PDE1A: variants seen among roughly 807,000 people sequenced by gnomAD.
The protein encoded by PDE1A is phosphodiesterase 1A.
PDE1A carries 35 observed loss-of-function variants against 61.7 expected under a neutral mutation model. The ratio of observed to expected loss-of-function variants is 0.57; its 90% CI spans 0.43 to 0.75. PDE1A has a LOEUF of 0.75. PDE1A is among the 30% of genes least tolerant of loss of function. PDE1A has a pLI of 0.00. For missense variants in PDE1A, 597 were observed against 630.6 expected (o/e 0.95, Z 0.57); for synonymous variants, 232 against 213.2 (o/e 1.09, Z -0.77).
the PDE1A span, among the ~76,000 whole-genome samples, chr2:182,575,891 A>G: frequency 6.8e-6 from 1 of 146,802 alleles, no homozygotes; most frequent in Admixed American, 6.9e-5. Context: ...TTATATATAT[A>G]TAAAGTTAAT....
chr2:182,545,246 G>A, the PDE1A span, among the ~76,000 whole-genome samples: 4 of 152,144 alleles, frequency 2.6e-5, no homozygotes, highest in African/African-American at 9.7e-5. Context: ...CATGGCTCCG[G>A]ATCCCACTGG....
chr2:182,570,623 C>A, the PDE1A span, among the ~76,000 whole-genome samples: 4 of 152,122 alleles, frequency 2.6e-5, no homozygotes, highest in African/African-American at 9.7e-5. Flanking sequence ...GCATCAGACA[C>A]AGTAATGAAG....
downstream of PDE1A, among the ~76,000 whole-genome samples, chr2:182,166,348 A>C (rs2125308719): frequency 6.6e-6 from 1 of 152,184 alleles, no homozygotes; most frequent in South Asian, 2.1e-4. Context: ...AAAAAGGGAG[A>C]CACTCAGCTT....
At chr2:182,561,439 T>C in the PDE1A span, among the ~76,000 whole-genome samples, 1 of 152,338 alleles carries the variant, frequency 6.6e-6, no homozygotes, top group South Asian at 2.1e-4. Context: ...ACCAGTACCA[T>C]GCTGTTTTGG....
At chr2:182,225,133 G>T (rs150960862) in intron 6 of PDE1A, among the ~76,000 whole-genome samples, 9 of 151,862 alleles carry the variant, frequency 5.9e-5, no homozygotes, top group Non-Finnish European at 1.2e-4. Context: ...GCTGGAAAAA[G>T]GCTGATAGTT....
the PDE1A span, among the ~76,000 whole-genome samples, chr2:182,598,026 G>A: frequency 6.6e-6 from 1 of 152,206 alleles, no homozygotes; most frequent in African/African-American, 2.4e-5. Context: ...GACTAAGTCA[G>A]CCTACTGGGT....
chr2:182,300,950 G>C (rs1215424601), intron 1 of PDE1A, among the ~76,000 whole-genome samples: 2 of 152,070 alleles, frequency 1.3e-5, no homozygotes, highest in Non-Finnish European at 2.9e-5. Context: ...CTTGCAAGTT[G>C]GTTGCAAGTT....
At chr2:182,661,550 GT>G in the PDE1A span, among the ~76,000 whole-genome samples, 1 of 152,058 alleles carries the variant, frequency 6.6e-6, no homozygotes, top group African/African-American at 2.4e-5. Context: ...ATTTGATGTG[GT>G]TCTAGAGGTT....
the PDE1A span, among the ~76,000 whole-genome samples, chr2:182,598,392 G>A: frequency 6.6e-6 from 1 of 151,780 alleles, no homozygotes; most frequent in Non-Finnish European, 1.5e-5. Context: ...GCCAACATGG[G>A]GAAACCCTGT....
chr2:182,491,118 C>A (rs1330493728), intron 2 of PDE1A, among the ~76,000 whole-genome samples: 5 of 152,122 alleles, frequency 3.3e-5, no homozygotes, highest in African/African-American at 1.2e-4. Context: ...TATGTTGGCA[C>A]CAACCTAATA....
At chr2:182,349,911 C>T (rs1244207082) in intron 1 of PDE1A, among the ~76,000 whole-genome samples, 1 of 151,878 alleles carries the variant, frequency 6.6e-6, no homozygotes, top group Non-Finnish European at 1.5e-5. Flanking sequence ...TTTTTTTTAA[C>T]TTTTTATTGA....
chr2:182,578,242 T>A, the PDE1A span, among the ~76,000 whole-genome samples: 1 of 152,148 alleles, frequency 6.6e-6, no homozygotes, highest in South Asian at 2.1e-4. Context: ...TTAAGGGTCC[T>A]CTTTTATACC....
chr2:182,574,140 G>A, the PDE1A span, among the ~76,000 whole-genome samples: 4 of 151,758 alleles, frequency 2.6e-5, no homozygotes, highest in Non-Finnish European at 4.4e-5. Context: ...CATCCAGCAC[G>A]GGAGAAAGAT....
In PDE1A at chr2:182,297,740, C is replaced by T. The variant is rs558689676; in HGVS notation, c.54-33326G>A. On this transcript the variant is annotated intron_variant, in intron 1 of 13. Coordinates refer to ENST00000351439, the Ensembl canonical transcript of PDE1A. ...GAGAACTTTCCCTGTATAACAGAGC[C>T]CACTCTGCCTATGCATGTGCCTATG... is the stretch of plus-strand genomic sequence containing the variant. Among the ~76,000 whole-genome samples, 15 of 152,296 alleles carry T rather than the reference C, an allele frequency of 9.8e-5. No individual in the cohort carries two copies. The East Asian group carries it at 2.9e-3, about 29-fold the overall frequency.
At chr2:182,303,697 T>G (rs1401643561) in intron 1 of PDE1A, among the ~76,000 whole-genome samples, 1 of 152,184 alleles carries the variant, frequency 6.6e-6, no homozygotes, top group Non-Finnish European at 1.5e-5. Context: ...GGCATTGACT[T>G]CTCCTATTTA....
chr2:182,443,259 A>T (rs781501293), intron 2 of PDE1A, among the ~76,000 whole-genome samples: 1 of 151,876 alleles, frequency 6.6e-6, no homozygotes, highest in Non-Finnish European at 1.5e-5. Context: ...AAAATCTTTC[A>T]GTGGCTCCCA....
At chr2:182,577,506 T>A in the PDE1A span, among the ~76,000 whole-genome samples, 5 of 152,150 alleles carry the variant, frequency 3.3e-5, no homozygotes, top group Non-Finnish European at 7.4e-5. Context: ...CAGAGAAAGA[T>A]AAATAGTCAC....
At chr2:182,665,065 C>T in the PDE1A span, among the ~76,000 whole-genome samples, 1 of 152,010 alleles carries the variant, frequency 6.6e-6, no homozygotes, top group Non-Finnish European at 1.5e-5. Flanking sequence ...TTGTTTTCTC[C>T]AAACGGTTTT....
intron 13 of PDE1A, among the ~76,000 whole-genome samples, chr2:182,178,542 C>T (rs905650791): frequency 6.6e-5 from 10 of 151,998 alleles, no homozygotes; most frequent in South Asian, 6.2e-4. Flanking sequence ...GAGTTATTTC[C>T]GAGGGAAAAA....
Sources: allele counts gnomAD v4.1 joint callset (sites outside exome capture counted in the v4.1 genomes callset), GRCh38; gene constraint gnomAD v4.1.1; transcripts MANE v1.5; gene names NCBI Gene and HGNC (gene_info 2026-07-23, HGNC 2026-07-21).